Variants in DYNC2LI1 observed in about 807,000 individuals in gnomAD.
The protein encoded by DYNC2LI1 is dynein cytoplasmic 2 light intermediate chain 1.
Under a neutral mutation model 51.9 loss-of-function variants are expected in DYNC2LI1, and 45 were observed. The ratio of observed to expected loss-of-function variants is 0.87; its 90% CI spans 0.68 to 1.11. DYNC2LI1 has a LOEUF of 1.11. DYNC2LI1 is among the 50% of genes most tolerant of loss of function. The probability of loss-of-function intolerance (pLI) is 0.00; values close to 1 mark genes in which losing one functional copy is unlikely to be tolerated. For synonymous variants in DYNC2LI1, 130 were observed against 137.8 expected (o/e 0.94, Z 0.40); for missense variants, 490 against 417.4 (o/e 1.17, Z -1.51).
At chr2:43,777,911 C>T (rs1056194072) in intron 2 of DYNC2LI1, among the ~76,000 whole-genome samples, 7 of 152,114 alleles carry the variant, frequency 4.6e-5, no homozygotes, top group African/African-American at 1.7e-4. Flanking sequence ...AAGCAGGACA[C>T]AAGTGTCATA....
At chr2:43,825,928 C>T in the DYNC2LI1 span, among the ~76,000 whole-genome samples, 2 of 152,192 alleles carry the variant, frequency 1.3e-5, no homozygotes, top group African/African-American at 2.4e-5. Flanking sequence ...TCATCCTTTG[C>T]TCTTCCCCTC....
At position 43,776,856 on chromosome 2, in the gene DYNC2LI1, A is replaced by C. The variant is rs771322781; in HGVS notation, c.83A>C (p.Glu28Ala). The change falls in exon 2 of 13, where the codon GAA becomes GCA. Residue 28 changes from glutamate (E) to alanine (A), a missense_variant. Physicochemically the swap from Glu to Ala is moderately radical, Grantham distance 107 (BLOSUM62 -1). Transcript: ENST00000260605. ...GINGSEGDGAEIAEKFVFFIG... is the reference protein window; with the variant it reads ...GINGSEGDGAAIAEKFVFFIG... ...AATGGAAGTGAAGGTGATGGAGCTG[A>C]AATTGCAGAAAAATTTGTTTTCTTC... The C allele has an allele frequency of 6.2e-7, 1 of 1,605,772 alleles. No individual in the cohort carries two copies. Among genetic ancestry groups the C allele is most frequent in the South Asian group, 1.1e-5 (1 of 89,284 alleles).
At chr2:43,822,987 AG>A in the DYNC2LI1 span, 3 of 1,603,590 alleles carry the variant, frequency 1.9e-6, no homozygotes, top group African/African-American at 4.0e-5. Flanking sequence ...CAGCTGAAAA[AG>A]GGAGGGCTAG....
At chr2:43,817,717 C>T in the DYNC2LI1 span, among the ~76,000 whole-genome samples, 1 of 152,070 alleles carries the variant, frequency 6.6e-6, no homozygotes, top group Non-Finnish European at 1.5e-5. Flanking sequence ...TGAGACCAAC[C>T]TGGCCAAAAT....
Position 43,805,250 on chromosome 2 carries a change from T to A in DYNC2LI1, c.993+4T>A, listed in dbSNP as rs1666208219. ...GATGAGAATTCAGAAGGATCTGGTA[T>A]TATCCTAAACATTTACTTAATTTCA... On this transcript the variant is annotated splice_donor_region_variant and intron_variant, in intron 12 of 12. Coordinates refer to ENST00000260605, the MANE Select transcript of DYNC2LI1 (RefSeq NM_016008.4). 6.3e-7 allele frequency: 1 copy of A among 1,580,610 alleles called. No homozygotes were observed. The highest frequency in any genetic ancestry group is 8.7e-7 in the Non-Finnish European group (1 of 1,151,700).
chr2:43,826,500 G>C, the DYNC2LI1 span: 5 of 1,614,086 alleles, frequency 3.1e-6, no homozygotes, highest in Non-Finnish European at 3.4e-6. Context: ...GCCTGTGGTT[G>C]GCTCATCAAA....
At chr2:43,816,306 C>A in the DYNC2LI1 span, among the ~76,000 whole-genome samples, 3 of 152,268 alleles carry the variant, frequency 2.0e-5, no homozygotes, top group East Asian at 5.8e-4. Context: ...GGTGGATAAT[C>A]TATTACAGCA....
At chr2:43,818,725 AT>A in the DYNC2LI1 span, among the ~76,000 whole-genome samples, 8 of 152,324 alleles carry the variant, frequency 5.3e-5, no homozygotes, top group Middle Eastern at 3.4e-3. Flanking sequence ...GTGTGAAAAA[AT>A]ATCCTCCTTG....
At chr2:43,787,664 C>T (rs1673589607) in intron 4 of DYNC2LI1, among the ~76,000 whole-genome samples, 1 of 152,086 alleles carries the variant, frequency 6.6e-6, no homozygotes. Flanking sequence ...AGGTCATATG[C>T]CCTGCTTGAT....
downstream of DYNC2LI1, among the ~76,000 whole-genome samples, chr2:43,813,770 T>C (rs1666638226): frequency 7.5e-6 from 1 of 132,668 alleles, no homozygotes; most frequent in Admixed American, 9.2e-5. Context: ...CAGGCTGGAG[T>C]GCAGTGGCTC....
At chr2:43,823,757 A>G in the DYNC2LI1 span, among the ~76,000 whole-genome samples, 1 of 152,326 alleles carries the variant, frequency 6.6e-6, no homozygotes, top group East Asian at 1.9e-4. Context: ...ACGTGTTGGT[A>G]ACTCAATAGT....
chr2:43,790,913 G>A (rs1307668372), intron 5 of DYNC2LI1, among the ~76,000 whole-genome samples: 1 of 152,108 alleles, frequency 6.6e-6, no homozygotes, highest in African/African-American at 2.4e-5. Flanking sequence ...TAGTGGTGTG[G>A]TTGAGAAGAG....
chr2:43,810,157 C>A, downstream of DYNC2LI1: 1 of 365,656 alleles, frequency 2.7e-6, no homozygotes, highest in Non-Finnish European at 3.8e-6. Flanking sequence ...AAGGCATTCT[C>A]AGCTGTAGCT....
the DYNC2LI1 span, among the ~76,000 whole-genome samples, chr2:43,815,292 G>T: frequency 2.0e-5 from 3 of 151,990 alleles, no homozygotes; most frequent in Non-Finnish European, 4.4e-5. Flanking sequence ...CAATCAAAAG[G>T]TATAAAATTC....
chr2:43,796,711 T>C lies in DYNC2LI1; in HGVS notation c.577-7T>C. ...TCTTGACTTTTTAAAATAACATATT[T>C]CTACAGGATTTTGAGTCTGAGAAGA... On this transcript the variant is annotated splice_polypyrimidine_tract_variant and splice_region_variant and intron_variant, in intron 7 of 12. Coordinates refer to ENST00000260605, the MANE Select transcript of DYNC2LI1 (RefSeq NM_016008.4). 1 of 1,604,972 alleles carries C rather than the reference T, an allele frequency of 6.2e-7. No individual in the cohort carries two copies. Among genetic ancestry groups the C allele is most frequent in the East Asian group, 2.2e-5 (1 of 44,820 alleles).
At chr2:43,820,128 C>G in the DYNC2LI1 span, 1 of 1,605,914 alleles carries the variant, frequency 6.2e-7, no homozygotes, top group African/African-American at 1.3e-5. Flanking sequence ...CTTTAGTTTC[C>G]TCTCCAAGGG....
At position 43,795,754 on chromosome 2, in the gene DYNC2LI1, C is replaced by G. The variant is rs147952571; in HGVS notation, c.508-136C>G. ...AGGAAGTGAAAGTTAAATATTAGAACAAATTCTATGTCAAGCAAATTAAGT... is the reference window on the plus strand; with the variant it reads ...AGGAAGTGAAAGTTAAATATTAGAAGAAATTCTATGTCAAGCAAATTAAGT... On this transcript the variant is annotated intron_variant, in intron 6 of 12. Transcript: ENST00000260605. The G allele has an allele frequency of 3.4e-4, 229 of 670,750 alleles. No individual in the cohort carries two copies. The African/African-American group carries it at 3.6e-3, about 11-fold the overall frequency. 41.5% of individuals were successfully genotyped at this position (670,750 alleles called of 1,614,324 possible).
At chr2:43,824,864 T>C in the DYNC2LI1 span, 4 of 1,612,388 alleles carry the variant, frequency 2.5e-6, no homozygotes, top group Admixed American at 6.7e-5. Context: ...ACATTCATGA[T>C]GGGGAATGTG....
the DYNC2LI1 span, among the ~76,000 whole-genome samples, chr2:43,825,381 G>GT: frequency 2.6e-3 from 402 of 152,096 alleles, no homozygotes; most frequent in Non-Finnish European, 4.7e-3. Flanking sequence ...GTCTTAGTTT[G>GT]TTTTTTTGTT....
Sources: gnomAD v4.1 joint callset for allele counts (sites outside exome capture counted in the v4.1 genomes callset) on GRCh38, gnomAD v4.1.1 for gene constraint, MANE v1.5 for transcripts, NCBI Gene and HGNC (gene_info 2026-07-23, HGNC 2026-07-21) for gene names.